STK10: variants seen among roughly 807,000 people sequenced by gnomAD.
The protein encoded by STK10 is serine/threonine-protein kinase 10.
Under a neutral mutation model 113.8 loss-of-function variants are expected in STK10, and 78 were observed. The observed-to-expected ratio is 0.69, with a 90% CI of 0.57 to 0.83. STK10 has a LOEUF of 0.83. STK10 is among the 40% of genes least tolerant of loss of function. The probability of loss-of-function intolerance (pLI) is 0.00; values close to 1 mark genes in which losing one functional copy is unlikely to be tolerated. For missense variants in STK10, 1,109 were observed against 1,280.1 expected (o/e 0.87, Z 2.04); for synonymous variants, 465 against 494.7 (o/e 0.94, Z 0.80).
chr5:172,094,085 C>A, intron 8 of STK10, 125 bp from the exon 9 acceptor site: 5 of 642,882 alleles, frequency 7.8e-6, no homozygotes, highest in Non-Finnish European at 9.1e-6. Context: ...GAAAGGAGAG[C>A]AGATATCTCC....
intron 2 of STK10, among the ~76,000 whole-genome samples, chr5:172,141,862 C>G (rs556032962): frequency 2.0e-5 from 3 of 152,164 alleles, no homozygotes; most frequent in African/African-American, 7.2e-5. Flanking sequence ...TCCATGACCC[C>G]CATCAGTTTA....
chr5:172,094,962 T>G (rs975035557), intron 8 of STK10, among the ~76,000 whole-genome samples: 2 of 152,162 alleles, frequency 1.3e-5, no homozygotes, highest in Non-Finnish European at 2.9e-5. Flanking sequence ...ACTTGGTGAA[T>G]AGAGTGAGTA....
intron 3 of STK10, among the ~76,000 whole-genome samples, chr5:172,121,993 G>A (rs1454569200): frequency 4.0e-5 from 6 of 151,632 alleles, no homozygotes; most frequent in South Asian, 2.1e-4. Context: ...TCAGCCTCCC[G>A]AGTGGCTGGG....
At position 172,187,048 on chromosome 5, in the gene STK10, G is replaced by T. The variant is rs73315910; in HGVS notation, c.156+839C>A. Among the ~76,000 whole-genome samples the T allele has an allele frequency of 1.3e-5, 2 of 152,060 alleles. No individual in the cohort carries two copies. Among genetic ancestry groups the T allele is most frequent in the African/African-American group, 2.4e-5 (1 of 41,378 alleles). The stretch of plus-strand genomic sequence containing the variant: ...CAGTAAAAATTTTCTTAGGGGAAAG[G>T]GGGGAGTCAAGCTGTAGGTGTTGGC... On this transcript the variant is annotated intron_variant, in intron 1 of 18. Transcript: ENST00000176763. This position sits in a 1 kb window ranked among gnomAD's most constrained non-coding sequence, Gnocchi z 4.6.
intron 2 of STK10, among the ~76,000 whole-genome samples, chr5:172,156,017 G>C (rs183308160): frequency 1.3e-5 from 2 of 151,438 alleles, no homozygotes; most frequent in Non-Finnish European, 2.9e-5. Flanking sequence ...AAGAAGTTGA[G>C]GGGTGTTGCT....
At chr5:172,064,471 G>C in intron 13 of STK10, 1 of 570,392 alleles carries the variant, frequency 1.8e-6, no homozygotes, top group Non-Finnish European at 3.1e-6. Context: ...CTAAGGGTTT[G>C]GGAGGTGGTC....
At chr5:172,055,942 A>G (rs1478241055) in intron 15 of STK10, among the ~76,000 whole-genome samples, 166 bp from the exon 16 acceptor site, 1 of 152,174 alleles carries the variant, frequency 6.6e-6, no homozygotes, top group Non-Finnish European at 1.5e-5. Flanking sequence ...TAATAACATT[A>G]TTTGTTCTCA....
At chr5:172,057,019 A>AG (rs1767816288) in intron 15 of STK10, 1 of 158,810 alleles carries the variant, frequency 6.3e-6, no homozygotes, top group African/African-American at 2.6e-5. Context: ...GAAAGAAAGA[A>AG]AGAAAGAAAG....
chr5:172,072,379 G>A (rs993657366), intron 12 of STK10, among the ~76,000 whole-genome samples: 4 of 152,030 alleles, frequency 2.6e-5, no homozygotes, highest in African/African-American at 9.7e-5. Context: ...CCATTCTCCT[G>A]CCTCAGCCTC....
intron 2 of STK10, among the ~76,000 whole-genome samples, chr5:172,129,707 C>T (rs1413949357): frequency 6.6e-6 from 1 of 152,144 alleles, no homozygotes; most frequent in African/African-American, 2.4e-5. Context: ...TAGTAATTCT[C>T]AGCTCCACGA....
intron 1 of STK10, among the ~76,000 whole-genome samples, chr5:172,160,599 C>T (rs1287410562): frequency 6.6e-6 from 1 of 152,176 alleles, no homozygotes; most frequent in Non-Finnish European, 1.5e-5. Context: ...TAGTCTCCAC[C>T]GTGGCACCTT....
rs1770441106 is a variant in STK10, at chr5:172,160,154, A to G, written c.157-3366T>C. 2.7e-5 allele frequency among the ~76,000 whole-genome samples: 4 copies of G among 147,240 alleles called. No homozygotes were observed. In the South Asian group the frequency reaches 8.7e-4, roughly 32 times the overall value. ...CTGTCTCAAAAAAAAAAGAAAGAAA[A>G]AAAAACCACAAACACATTTCCCTAC... On this transcript the variant is annotated intron_variant, in intron 1 of 18. Coordinates refer to ENST00000176763, the MANE Select transcript of STK10 (RefSeq NM_005990.4).
At chr5:172,060,861 C>T (rs1244958441) in intron 14 of STK10, among the ~76,000 whole-genome samples, 5 of 152,318 alleles carry the variant, frequency 3.3e-5, no homozygotes, top group South Asian at 2.1e-4. Context: ...TCTCCACCTC[C>T]CGTAAATCCA....
intron 3 of STK10, among the ~76,000 whole-genome samples, chr5:172,121,775 G>A (rs1581167011): frequency 6.6e-6 from 1 of 152,210 alleles, no homozygotes; most frequent in Non-Finnish European, 1.5e-5. Context: ...CGTTGTCCAA[G>A]CTGGTAATCT....
intron 7 of STK10, among the ~76,000 whole-genome samples, chr5:172,099,661 AGAACCAAGATCCCAAAGG>A (rs1768938563): frequency 6.6e-6 from 1 of 152,202 alleles, no homozygotes; most frequent in African/African-American, 2.4e-5. Flanking sequence ...CCCAAAGGTG[AGAACCAAGATCCCAAAGG>A]TGAGAACCAA....
chr5:172,167,426 T>C (rs1049620393), intron 1 of STK10, among the ~76,000 whole-genome samples: 1 of 152,196 alleles, frequency 6.6e-6, no homozygotes, highest in African/African-American at 2.4e-5. Flanking sequence ...AAACTGCATG[T>C]GCCTATGGAC....
At chr5:172,153,246 A>T (rs1046543000) in intron 2 of STK10, among the ~76,000 whole-genome samples, 13 of 149,350 alleles carry the variant, frequency 8.7e-5, no homozygotes, top group African/African-American at 2.8e-4. Flanking sequence ...AAATCGCGCC[A>T]TTGCACTCCA....
At chr5:172,095,394 G>C (rs898440995) in intron 8 of STK10, among the ~76,000 whole-genome samples, 1 of 152,182 alleles carries the variant, frequency 6.6e-6, no homozygotes, top group Non-Finnish European at 1.5e-5. Flanking sequence ...AGGTGTGAGC[G>C]CTTTCTACCT....
At chr5:172,116,499 G>A (rs542171083) in intron 4 of STK10, among the ~76,000 whole-genome samples, 63 of 152,340 alleles carry the variant, frequency 4.1e-4, no homozygotes, top group African/African-American at 1.4e-3. Flanking sequence ...AGACACGTGA[G>A]GGGATGACAC....
Sources: gnomAD v4.1 joint callset for allele counts (sites outside exome capture counted in the v4.1 genomes callset) on GRCh38, gnomAD v4.1.1 for gene constraint, Gnocchi (gnomAD v3.1) non-coding constraint, MANE v1.5 for transcripts, NCBI Gene and HGNC (gene_info 2026-07-23, HGNC 2026-07-21) for gene names.